Variants in CDH15 observed in about 807,000 individuals in gnomAD.
The protein encoded by CDH15 is cadherin-15.
Under a neutral mutation model 69.4 loss-of-function variants are expected in CDH15, and 73 were observed. That is an observed-to-expected ratio of 1.05 (90% CI 0.87 to 1.28). The LOEUF (loss-of-function observed/expected upper bound fraction) is 1.28, where lower values mean the gene tolerates loss of function less well. Ranked by LOEUF, CDH15 falls within the 50% of genes most tolerant of loss-of-function variation. CDH15 has a pLI of 0.00. For synonymous variants in CDH15, 624 were observed against 507.7 expected, an observed-to-expected ratio of 1.23 and a Z score of -3.08; for missense variants, 1,343 against 1,133.6, an observed-to-expected ratio of 1.18 and a Z score of -2.65.
rs560181502 is a variant in CDH15 at position 89,174,847 on chromosome 16, C to T, written c.42+2974C>T. 3.3e-5 allele frequency among the ~76,000 whole-genome samples: 5 copies of T among 152,298 alleles called. No individual in the cohort carries two copies. In the Middle Eastern group the frequency reaches 0.017, roughly 518 times the overall value. On this transcript the variant is annotated intron_variant, in intron 1 of 13. Transcript: ENST00000289746. ...CCACCTCCCAGGGTGCTTGCGTCCC[C>T]TACCCCAGGTGCAGGGCTGTGGGCT...
chr16:89,191,149 T>C (rs980477252), intron 8 of CDH15, among the ~76,000 whole-genome samples, 181 bp from the exon 9 acceptor site: 1 of 151,982 alleles, frequency 6.6e-6, no homozygotes, highest in African/African-American at 2.4e-5. Context: ...ATGTGGTGTG[T>C]GCATGCATGT....
At chr16:89,174,633 A>G (rs1597300083) in intron 1 of CDH15, among the ~76,000 whole-genome samples, 1 of 152,324 alleles carries the variant, frequency 6.6e-6, no homozygotes, top group South Asian at 2.1e-4. Context: ...GCTTGGCTGC[A>G]GGGCGGTGGC....
chr16:89,180,519 G>A (rs1378068053), intron 3 of CDH15, among the ~76,000 whole-genome samples, 164 bp downstream of exon 3: 2 of 152,176 alleles, frequency 1.3e-5, no homozygotes, highest in Non-Finnish European at 2.9e-5. Flanking sequence ...GTTTGGGACC[G>A]AGGCCCTGCA....
intron 3 of CDH15, among the ~76,000 whole-genome samples, chr16:89,180,762 C>T (rs900207957): frequency 1.3e-5 from 2 of 152,100 alleles, no homozygotes; most frequent in Non-Finnish European, 2.9e-5. Flanking sequence ...CTCGCTCTGT[C>T]GCCCAGGCTG....
intron 1 of CDH15, among the ~76,000 whole-genome samples, chr16:89,177,576 G>A (rs1444623210): frequency 1.3e-5 from 2 of 152,068 alleles, no homozygotes; most frequent in African/African-American, 2.4e-5. Flanking sequence ...CACAGGGGAC[G>A]GGGAGAGGGC....
chr16:89,186,827 C>T (rs112120867), intron 5 of CDH15, among the ~76,000 whole-genome samples: 19,518 of 136,908 alleles, frequency 0.14, 1,457 homozygotes, highest in East Asian at 0.29. Flanking sequence ...GCTCTGTAAA[C>T]GCTTACCCAG....
intron 1 of CDH15, among the ~76,000 whole-genome samples, chr16:89,173,509 G>T (rs552331834): frequency 1.0e-3 from 156 of 152,320 alleles, no homozygotes; most frequent in African/African-American, 3.6e-3. Flanking sequence ...GAGGCTGGGG[G>T]AGGTGGTGGA....
chr16:89,173,864 G>A (rs908052716), intron 1 of CDH15, among the ~76,000 whole-genome samples: 7 of 152,210 alleles, frequency 4.6e-5, no homozygotes, highest in African/African-American at 1.7e-4. Flanking sequence ...TCTACACCTG[G>A]GACCCCACCC....
intron 1 of CDH15, among the ~76,000 whole-genome samples, chr16:89,172,543 C>T (rs1259766750): frequency 6.6e-6 from 1 of 152,170 alleles, no homozygotes; most frequent in African/African-American, 2.4e-5. Context: ...CCTGGGGGCC[C>T]AGCCCCCAGA....
At chr16:89,185,711 G>A (rs562716157) in intron 5 of CDH15, 3 of 345,134 alleles carry the variant, frequency 8.7e-6, no homozygotes, top group South Asian at 5.2e-5. Context: ...GACCCCCCTT[G>A]AGTCAGCTCC....
Position 89,188,223 on chromosome 16 carries a change from G to A in CDH15, c.916G>A (p.Asp306Asn), listed in dbSNP as rs575142201. 2.6e-5 allele frequency: 42 copies of A among 1,613,554 alleles called. No homozygotes were observed. In the Middle Eastern group the frequency reaches 8.2e-4, roughly 32 times the overall value. The change falls in exon 7 of 14, where the codon GAT becomes AAT. Residue 306 changes from aspartate (D) to asparagine (N), a missense_variant. Physicochemically the swap from Asp to Asn is conservative, Grantham distance 23. Transcript: ENST00000289746. ...ARFTILEGDPDGQFTIRTDPK... is the reference protein window; with the variant it reads ...ARFTILEGDPNGQFTIRTDPK... ...GTTCACCATCCTGGAAGGCGACCCC[G>A]ATGGGCAGTTCACCATCCGCACGGA... is the stretch of plus-strand genomic sequence containing the variant.
Position 89,179,467 on chromosome 16 carries a change from T to C in CDH15, c.94T>C (p.Tyr32His), listed in dbSNP as rs1915326266. 5 of 1,613,420 alleles carry C rather than the reference T, an allele frequency of 3.1e-6. No homozygotes were observed. The South Asian group carries it at 5.5e-5, about 18-fold the overall frequency. Residue 32 changes from tyrosine (Y) to histidine (H), a missense_variant, in exon 2 of 14, where the codon TAC becomes CAC. Coordinates refer to ENST00000289746, the MANE Select transcript of CDH15 (RefSeq NM_004933.3). ...TGGATGGAGGAGGCCCACCACCCTGTACCCCTGGCGCCGGGCGCCTGCCCT... is the reference window on the plus strand; with the variant it reads ...TGGATGGAGGAGGCCCACCACCCTGCACCCCTGGCGCCGGGCGCCTGCCCT... ...VPGWRRPTTLYPWRRAPALSR... is the reference protein window; with the variant it reads ...VPGWRRPTTLHPWRRAPALSR...
chr16:89,189,211 C>T (rs1422873470), intron 7 of CDH15, among the ~76,000 whole-genome samples: 2 of 139,062 alleles, frequency 1.4e-5, no homozygotes, highest in African/African-American at 5.4e-5. Flanking sequence ...ACACAGATGC[C>T]CACGCACAGG....
chr16:89,195,008 C>G lies in CDH15; in HGVS notation c.2298C>G (p.Leu766=). Residue 766 remains leucine, a synonymous_variant, in exon 14 of 14, where the codon CTC becomes CTG. Transcript: ENST00000289746. ...ATGAGGACCAGGACTACGACTACCT[C>G]AGAGACTGGGGGCCCCGCTTCGCCC... ...QGDEDQDYDY[L]RDWGPRFARL... 6.2e-7 allele frequency: 1 copy of G among 1,612,170 alleles called. No individual in the cohort carries two copies. The highest frequency in any genetic ancestry group is 1.7e-4 in the Middle Eastern group (1 of 6,052).
Position 89,179,433 on chromosome 16 carries a change from G to A in CDH15, c.60G>A (p.Leu20=). The part of the protein sequence containing the change: ...GLLAQSLCLS[L]GVPGWRRPTT... ...TGTTGCAGAGCCTCTGCCTGTCTTT[G>A]GGGGTTCCTGGATGGAGGAGGCCCA... Residue 20 remains leucine (L), a synonymous_variant, in exon 2 of 14, where the codon TTG becomes TTA. Coordinates refer to ENST00000289746, the MANE Select transcript of CDH15 (RefSeq NM_004933.3). 6.2e-7 allele frequency: 1 copy of A among 1,613,628 alleles called. No individual in the cohort carries two copies. The highest frequency in any genetic ancestry group is 8.5e-7 in the Non-Finnish European group (1 of 1,179,898).
At chr16:89,183,492 G>C (rs972211468) in intron 3 of CDH15, 56 bp from the exon 4 acceptor site, 1 of 1,607,618 alleles carries the variant, frequency 6.2e-7, no homozygotes, top group Non-Finnish European at 8.5e-7. Flanking sequence ...TGGCCCTAAC[G>C]GGAGCCACAG....
At position 89,183,567 on chromosome 16, in the gene CDH15, A is replaced by G. The variant is rs1915421388; in HGVS notation, c.377A>G (p.Asp126Gly). 6.2e-7 allele frequency: 1 copy of G among 1,614,120 alleles called. No homozygotes were observed. The highest frequency in any genetic ancestry group is 1.6e-4 in the Middle Eastern group (1 of 6,062). The change falls in exon 4 of 14, where the codon GAC (aspartate) becomes GGC (glycine). Residue 126 changes from aspartate to glycine, a missense_variant. By Grantham distance (94) the Asp-to-Gly change is moderately conservative. Coordinates refer to ENST00000289746, the MANE Select transcript of CDH15 (RefSeq NM_004933.3). The part of the protein sequence containing the change: ...DRFRLRAFAL[D>G]LGGSTLEDPT... ...GAACAGCTAAGAGCGTTTGCCCTGG[A>G]CCTGGGAGGATCCACCCTGGAGGAC...
chr16:89,176,216 T>C (rs1915252141), intron 1 of CDH15, among the ~76,000 whole-genome samples: 2 of 152,232 alleles, frequency 1.3e-5, no homozygotes, highest in Admixed American at 6.5e-5. Context: ...CAAGGCCACA[T>C]GCCCCCACGT....
Position 89,193,880 on chromosome 16 carries a change from C to A in CDH15, c.2118C>A (p.Thr706=). ...CCCAGCCACCCCGAGTGCTGCCCAC[C>A]AGCCCCCTGGACATCGCCGACTTCA... ...LHPQPPRVLP[T]SPLDIADFIN... Residue 706 remains threonine (T), a synonymous_variant, in exon 13 of 14, where the codon ACC becomes ACA. Transcript: ENST00000289746. The A allele has an allele frequency of 1.2e-6, 2 of 1,612,288 alleles. No homozygotes were observed. The highest frequency in any genetic ancestry group is 1.7e-6 in the Non-Finnish European group (2 of 1,179,848).
Sources: allele counts gnomAD v4.1 joint callset (sites outside exome capture counted in the v4.1 genomes callset), GRCh38; gene constraint gnomAD v4.1.1; transcripts MANE v1.5; gene names NCBI Gene and HGNC (gene_info 2026-07-23, HGNC 2026-07-21).